Variants in KCTD8 observed in about 807,000 individuals in gnomAD.
KCTD8 encodes potassium channel tetramerization domain containing 8.
A neutral mutation model predicts 31.5 loss-of-function variants in KCTD8; 27 were observed. The observed-to-expected ratio is 0.86, with a 90% CI of 0.63 to 1.18. KCTD8 has a LOEUF of 1.18. KCTD8 is among the 50% of genes most tolerant of loss of function. The probability of loss-of-function intolerance (pLI) is 0.00; values close to 1 mark genes in which losing one functional copy is unlikely to be tolerated. For missense variants in KCTD8, 658 were observed against 647.7 expected (o/e 1.02, Z -0.17); for synonymous variants, 290 against 280.0 (o/e 1.04, Z -0.36).
chr4:44,413,867 A>C (rs1177690333), intron 1 of KCTD8, among the ~76,000 whole-genome samples: 1 of 152,160 alleles, frequency 6.6e-6, no homozygotes, highest in Non-Finnish European at 1.5e-5. Flanking sequence ...TTTATAAACA[A>C]AAGAGAGGGA....
intron 1 of KCTD8, among the ~76,000 whole-genome samples, chr4:44,294,286 G>A (rs138174599): frequency 2.0e-5 from 3 of 152,194 alleles, no homozygotes; most frequent in East Asian, 1.9e-4. Context: ...ACTTAGAAAC[G>A]TAAAAGATTT....
intron 1 of KCTD8, among the ~76,000 whole-genome samples, chr4:44,430,732 T>C (rs147944320): frequency 4.0e-5 from 6 of 151,702 alleles, no homozygotes; most frequent in East Asian, 1.9e-4. Context: ...CAACGTAATA[T>C]AATAAACCAG....
intron 1 of KCTD8, among the ~76,000 whole-genome samples, chr4:44,283,918 G>A (rs567021317): frequency 2.0e-5 from 3 of 152,034 alleles, no homozygotes; most frequent in East Asian, 1.9e-4. Context: ...TACAACTTAC[G>A]AAGAATGTGA....
chr4:44,420,820 G>A (rs1177324392), intron 1 of KCTD8, among the ~76,000 whole-genome samples: 1 of 151,890 alleles, frequency 6.6e-6, no homozygotes, highest in African/African-American at 2.4e-5. Context: ...AGAGACATAG[G>A]GAAGGATTAT....
intron 1 of KCTD8, among the ~76,000 whole-genome samples, chr4:44,239,409 G>T (rs1577570127): frequency 6.6e-6 from 1 of 152,166 alleles, no homozygotes; most frequent in Non-Finnish European, 1.5e-5. Context: ...TTCCACGGTA[G>T]TAACATGAAG....
chr4:44,182,323 A>C (rs994096034), intron 1 of KCTD8, among the ~76,000 whole-genome samples: 1 of 152,268 alleles, frequency 6.6e-6, no homozygotes, highest in Admixed American at 6.5e-5. Context: ...GCCATGATGA[A>C]GATGGCGGTT....
intron 1 of KCTD8, among the ~76,000 whole-genome samples, chr4:44,363,343 T>C (rs909557709): frequency 6.6e-6 from 1 of 152,158 alleles, no homozygotes; most frequent in African/African-American, 2.4e-5. Context: ...CTTTGATGTG[T>C]TCCTACAAAT....
intron 1 of KCTD8, among the ~76,000 whole-genome samples, chr4:44,332,084 T>C (rs1247062060): frequency 1.3e-5 from 2 of 151,854 alleles, no homozygotes; most frequent in South Asian, 2.1e-4. Context: ...TAAAGTTTAA[T>C]GCAATACGCT....
intron 1 of KCTD8, among the ~76,000 whole-genome samples, chr4:44,302,311 G>T (rs1229319807): frequency 6.6e-6 from 1 of 152,022 alleles, no homozygotes; most frequent in African/African-American, 2.4e-5. Context: ...CCTTGGGCAG[G>T]ATGGCCATTT....
intron 1 of KCTD8, among the ~76,000 whole-genome samples, chr4:44,275,267 T>A (rs534380638): frequency 4.7e-4 from 71 of 152,114 alleles, no homozygotes; most frequent in Non-Finnish European, 8.4e-4. Context: ...AAGCCTTTCC[T>A]GTGCTTGTTC....
intron 1 of KCTD8, among the ~76,000 whole-genome samples, chr4:44,443,170 A>AT (rs1258928443): frequency 6.6e-6 from 1 of 152,262 alleles, no homozygotes. Context: ...TTCAAAAGTC[A>AT]TTCAGCCATG....
chr4:44,307,022 T>A (rs1416275926), intron 1 of KCTD8, among the ~76,000 whole-genome samples: 1 of 152,012 alleles, frequency 6.6e-6, no homozygotes, highest in African/African-American at 2.4e-5. Flanking sequence ...CGCCATCCAA[T>A]ATGTAATTAA....
intron 1 of KCTD8, among the ~76,000 whole-genome samples, chr4:44,377,614 C>T (rs930563602): frequency 1.4e-4 from 22 of 152,152 alleles, no homozygotes; most frequent in Non-Finnish European, 2.6e-4. Flanking sequence ...CAGCCTGCGG[C>T]GTCCAGGACA....
intron 1 of KCTD8, among the ~76,000 whole-genome samples, chr4:44,304,314 T>C (rs1453220111): frequency 2.6e-5 from 4 of 152,224 alleles, no homozygotes; most frequent in African/African-American, 4.8e-5. Context: ...AATAACTGTT[T>C]ATTAAATGAA....
intron 1 of KCTD8, among the ~76,000 whole-genome samples, chr4:44,375,782 C>G (rs1018107162): frequency 2.0e-5 from 3 of 152,122 alleles, no homozygotes; most frequent in Admixed American, 1.3e-4. Flanking sequence ...TCAGTCATGA[C>G]AACAATAGAT....
At chr4:44,241,870 C>G (rs1253135265) in intron 1 of KCTD8, among the ~76,000 whole-genome samples, 1 of 152,150 alleles carries the variant, frequency 6.6e-6, no homozygotes, top group African/African-American at 2.4e-5. Flanking sequence ...AAGGAATGGA[C>G]ACAAAATACC....
chr4:44,258,471 C>G (rs1290732912), intron 1 of KCTD8, among the ~76,000 whole-genome samples: 1 of 151,798 alleles, frequency 6.6e-6, no homozygotes, highest in Non-Finnish European at 1.5e-5. Context: ...AGGTAAAGAA[C>G]AGAAATGAAC....
In KCTD8 at chr4:44,306,031, A is replaced by G. The variant is rs116973525; in HGVS notation, c.962-130781T>C. On this transcript the variant is annotated intron_variant, in intron 1 of 1. Coordinates refer to ENST00000360029, the MANE Select transcript of KCTD8 (RefSeq NM_198353.3). ...AGTTCAATAATAATATTGCATATAA[A>G]AAAGCACTTAGATGGAATTTTGTCC... Among the ~76,000 whole-genome samples, 68 of 152,094 alleles carry G rather than the reference A, an allele frequency of 4.5e-4. No individual in the cohort carries two copies. The East Asian group carries it at 0.013, about 29-fold the overall frequency.
chr4:44,306,588 T>C (rs1313104567), intron 1 of KCTD8, among the ~76,000 whole-genome samples: 2 of 152,030 alleles, frequency 1.3e-5, no homozygotes, highest in African/African-American at 4.8e-5. Context: ...AAATTGAAAT[T>C]TGGAGGACCA....
Sources: gnomAD v4.1 joint callset for allele counts (sites outside exome capture counted in the v4.1 genomes callset) on GRCh38, gnomAD v4.1.1 for gene constraint, MANE v1.5 for transcripts, NCBI Gene and HGNC (gene_info 2026-07-23, HGNC 2026-07-21) for gene names.